Variants in RNF150 observed in about 807,000 individuals in gnomAD.
RNF150 encodes ring finger protein 150.
In RNF150, 24 loss-of-function variants were observed where a neutral mutation model predicts 39.3. The observed-to-expected ratio is 0.61, with a 90% confidence interval of 0.44 to 0.86. The LOEUF is 0.86. RNF150 is among the 40% of genes least tolerant of loss of function. The pLI, the probability that RNF150 is intolerant of heterozygous loss-of-function variation, is 0.00. For synonymous variants in RNF150, 255 were observed against 227.3 expected (o/e 1.12, Z -1.10); for missense variants, 502 against 587.8 (o/e 0.85, Z 1.51).
At chr4:141,074,993 T>C (rs1273285077) in intron 1 of RNF150, among the ~76,000 whole-genome samples, 5 of 152,200 alleles carry the variant, frequency 3.3e-5, no homozygotes, top group African/African-American at 1.2e-4. Flanking sequence ...ATTAATAAAG[T>C]GGAACTCTTT....
intron 1 of RNF150, among the ~76,000 whole-genome samples, chr4:141,086,025 G>GTT (rs1337041344): frequency 9.8e-6 from 1 of 101,744 alleles, no homozygotes; most frequent in Admixed American, 1.2e-4. Context: ...AGTGAGAAGA[G>GTT]TTACACACAC....
At chr4:141,001,661 A>C (rs1734672071) in intron 1 of RNF150, among the ~76,000 whole-genome samples, 2 of 152,102 alleles carry the variant, frequency 1.3e-5, no homozygotes, top group African/African-American at 4.8e-5. Flanking sequence ...ATGTGCTTAC[A>C]TCTAAGACAA....
At chr4:140,990,259 C>T (rs184924684) in intron 1 of RNF150, among the ~76,000 whole-genome samples, 17 of 152,200 alleles carry the variant, frequency 1.1e-4, no homozygotes, top group South Asian at 4.2e-4. Flanking sequence ...TTTGCTTATT[C>T]GAGAAATTAC....
At chr4:140,907,747 C>T (rs1001935991) in intron 6 of RNF150, among the ~76,000 whole-genome samples, 3 of 152,140 alleles carry the variant, frequency 2.0e-5, no homozygotes, top group African/African-American at 7.2e-5. Flanking sequence ...GGGCTGGTGG[C>T]CCAGTGAGTT....
chr4:141,054,837 G>A (rs370848797), intron 1 of RNF150, among the ~76,000 whole-genome samples: 42 of 152,186 alleles, frequency 2.8e-4, no homozygotes, highest in African/African-American at 9.4e-4. Context: ...TTAATAAAAC[G>A]ATGAGGTGAG....
At chr4:140,968,448 G>T (rs952149066) in intron 1 of RNF150, among the ~76,000 whole-genome samples, 1 of 151,820 alleles carries the variant, frequency 6.6e-6, no homozygotes, top group African/African-American at 2.4e-5. Context: ...AATATGATTT[G>T]CCAACATGAA....
At chr4:140,953,682 C>T (rs985789339) in intron 2 of RNF150, among the ~76,000 whole-genome samples, 3 of 150,990 alleles carry the variant, frequency 2.0e-5, no homozygotes, top group Non-Finnish European at 3.0e-5. Flanking sequence ...CAGAGAAGAC[C>T]CCATTAAAAA....
chr4:141,081,801 T>C (rs1009571536), intron 1 of RNF150, among the ~76,000 whole-genome samples: 1 of 152,238 alleles, frequency 6.6e-6, no homozygotes, highest in Non-Finnish European at 1.5e-5. Context: ...AAGAACAACT[T>C]ACTCTGATTC....
chr4:140,939,872 T>C (rs1732015339), intron 4 of RNF150, among the ~76,000 whole-genome samples: 2 of 152,230 alleles, frequency 1.3e-5, no homozygotes, highest in Admixed American at 1.3e-4. Flanking sequence ...CGTTGAGTCA[T>C]CTGGTTTACC....
chr4:141,165,774 GA>G (rs1351653628), intron 1 of RNF150, among the ~76,000 whole-genome samples: 1 of 152,152 alleles, frequency 6.6e-6, no homozygotes. Context: ...CAATGTACCA[GA>G]ATCTCGGGGG....
chr4:141,068,363 T>G (rs1737546639), intron 1 of RNF150, among the ~76,000 whole-genome samples: 1 of 152,134 alleles, frequency 6.6e-6, no homozygotes, highest in South Asian at 2.1e-4. Flanking sequence ...ACTGGTAAAT[T>G]TTATGGTCTT....
chr4:141,205,166 A>T (rs1196019442), intron 1 of RNF150, among the ~76,000 whole-genome samples: 1 of 152,206 alleles, frequency 6.6e-6, no homozygotes, highest in Non-Finnish European at 1.5e-5. Flanking sequence ...TTATTATATA[A>T]ATCTCAAGTA....
exon 1 of RNF150, chr4:141,133,462 GTCTGTATGTT>G: frequency 6.3e-6 from 1 of 159,972 alleles, no homozygotes; most frequent in Non-Finnish European, 1.3e-5. Flanking sequence ...GTGTGTGTGT[GTCTGTATGTT>G]TGTGTGTGTG....
intron 1 of RNF150, among the ~76,000 whole-genome samples, chr4:141,048,148 T>A (rs1210113676): frequency 6.6e-6 from 1 of 152,206 alleles, no homozygotes; most frequent in Non-Finnish European, 1.5e-5. Context: ...TTTAAAGCTA[T>A]TTTATATTCC....
chr4:140,868,624 T>C (rs1044624469), intron 6 of RNF150, among the ~76,000 whole-genome samples: 4 of 152,172 alleles, frequency 2.6e-5, no homozygotes, highest in Non-Finnish European at 5.9e-5. Flanking sequence ...GGAAAATATA[T>C]ATCTACCGTA....
intron 1 of RNF150, among the ~76,000 whole-genome samples, chr4:141,077,869 C>T (rs549613046): frequency 7.9e-5 from 12 of 152,332 alleles, no homozygotes; most frequent in East Asian, 3.9e-4. Context: ...GGCCTTTGTT[C>T]GGGGTTTTGT....
chr4:141,128,517 A>G (rs1726808438), intron 1 of RNF150, among the ~76,000 whole-genome samples: 1 of 152,200 alleles, frequency 6.6e-6, no homozygotes, highest in Non-Finnish European at 1.5e-5. Flanking sequence ...CTTCACAGGC[A>G]GGCATCAGAC....
chr4:141,108,539 A>T (rs1460669240), intron 1 of RNF150, among the ~76,000 whole-genome samples: 1 of 152,224 alleles, frequency 6.6e-6, no homozygotes, highest in Non-Finnish European at 1.5e-5. Context: ...TACTTCTAAG[A>T]TGATTTTTAA....
At chr4:140,935,005 ATAAAT>A (rs1731784889) in intron 4 of RNF150, among the ~76,000 whole-genome samples, 6 of 111,746 alleles carry the variant, frequency 5.4e-5, no homozygotes, top group South Asian at 5.2e-4. Context: ...ATATATATAT[ATAAAT>A]ATATATATAT....
Sources: allele counts gnomAD v4.1 joint callset (sites outside exome capture counted in the v4.1 genomes callset), GRCh38; gene constraint gnomAD v4.1.1; transcripts MANE v1.5; gene names NCBI Gene and HGNC (gene_info 2026-07-23, HGNC 2026-07-21).